Variants in PHACTR1 observed in about 807,000 individuals in gnomAD.
PHACTR1 encodes the protein phosphatase and actin regulator 1.
PHACTR1 carries 16 observed loss-of-function variants against 69.2 expected under a neutral mutation model. That is an observed-to-expected ratio of 0.23 (90% CI 0.16 to 0.35). PHACTR1 has a LOEUF of 0.35. Among genes scored for constraint, PHACTR1 ranks in the 10% least tolerant of loss-of-function variants. The probability of loss-of-function intolerance (pLI) is 1.00; values close to 1 mark genes in which losing one functional copy is unlikely to be tolerated. For missense variants in PHACTR1, 510 were observed against 734.7 expected (o/e 0.69, Z 3.54); for synonymous variants, 312 against 284.5 (o/e 1.10, Z -0.97).
chr6:12,768,546 G>T (rs575295292), intron 4 of PHACTR1, among the ~76,000 whole-genome samples: 5 of 143,160 alleles, frequency 3.5e-5, no homozygotes, highest in African/African-American at 1.2e-4. Context: ...TTGGGTGGGT[G>T]GATTAGTATG....
chr6:13,044,839 A>G (rs13209107), intron 4 of PHACTR1, among the ~76,000 whole-genome samples: 24,976 of 152,172 alleles, frequency 0.16, 2,556 homozygotes, highest in South Asian at 0.26. Flanking sequence ...TTGTAGCTTG[A>G]GCACAGGTCC....
At chr6:12,893,547 T>TG (rs994743525) in intron 4 of PHACTR1, among the ~76,000 whole-genome samples, 17 of 152,086 alleles carry the variant, frequency 1.1e-4, no homozygotes, top group African/African-American at 3.1e-4. Context: ...ACTTGTATTT[T>TG]GGGGGGGTCC....
At position 12,896,598 on chromosome 6, in the gene PHACTR1, G is replaced by T. The variant is rs149611657; in HGVS notation, c.250+146808G>T. On this transcript the variant is annotated intron_variant, in intron 4 of 14. Transcript: ENST00000332995. ...GGGACAGAAAACACCATAGGGCATT[G>T]GATGGGATCCCTGTTCCCCGGGAGA... Among the ~76,000 whole-genome samples the T allele has an allele frequency of 6.6e-5, 10 of 152,294 alleles. No homozygotes were observed. The East Asian group carries it at 1.9e-3, about 29-fold the overall frequency.
At chr6:12,805,435 C>T (rs1774191118) in intron 4 of PHACTR1, among the ~76,000 whole-genome samples, 2 of 152,140 alleles carry the variant, frequency 1.3e-5, no homozygotes, top group Admixed American at 1.3e-4. Flanking sequence ...TCCTCGTCAC[C>T]ACTCAGCAGC....
intron 4 of PHACTR1, among the ~76,000 whole-genome samples, chr6:12,895,943 T>A (rs1486603913): frequency 6.6e-6 from 1 of 152,208 alleles, no homozygotes; most frequent in Non-Finnish European, 1.5e-5. Flanking sequence ...GACCTCATTA[T>A]AGTACTTGTT....
chr6:13,170,787 A>T (rs1325458151), intron 6 of PHACTR1, among the ~76,000 whole-genome samples: 1 of 152,148 alleles, frequency 6.6e-6, no homozygotes, highest in African/African-American at 2.4e-5. Context: ...TTCTGATTGA[A>T]TATAACCCCA....
intron 4 of PHACTR1, among the ~76,000 whole-genome samples, chr6:12,766,955 T>C (rs902589178): frequency 2.0e-5 from 3 of 152,178 alleles, no homozygotes; most frequent in African/African-American, 7.2e-5. Context: ...CTATTGAAAA[T>C]AGGCTTCCAT....
rs970218552 is a variant in PHACTR1 at position 13,245,873 on chromosome 6, C to A, written c.1391+15680C>A. ...GTTTCAATCCCCTGCATATAGCTAG[C>A]CAGTTATCCCAGTTCTTTGGTGAGT... On this transcript the variant is annotated intron_variant, in intron 10 of 14. Transcript: ENST00000332995. The surrounding 1 kb of genome is among the most constrained non-coding windows in gnomAD (Gnocchi z 4.1). 1.3e-5 allele frequency among the ~76,000 whole-genome samples: 2 copies of A among 152,168 alleles called. No individual in the cohort carries two copies. The highest frequency in any genetic ancestry group is 4.8e-5 in the African/African-American group (2 of 41,432).
intron 4 of PHACTR1, among the ~76,000 whole-genome samples, chr6:13,021,709 T>C (rs1801000016): frequency 6.6e-6 from 1 of 152,246 alleles, no homozygotes. Context: ...CTGTTATGGA[T>C]GATAGCCACC....
chr6:12,988,192 G>T (rs1368948671), intron 4 of PHACTR1, among the ~76,000 whole-genome samples: 1 of 152,206 alleles, frequency 6.6e-6, no homozygotes, highest in African/African-American at 2.4e-5. Context: ...GCAGGTAAAA[G>T]ACATAGAGGA....
At chr6:13,027,232 C>G (rs1801822394) in intron 4 of PHACTR1, among the ~76,000 whole-genome samples, 1 of 152,140 alleles carries the variant, frequency 6.6e-6, no homozygotes, top group Admixed American at 6.5e-5. Flanking sequence ...TTCAGAGTCA[C>G]TATTTGTTGG....
At chr6:13,276,143 C>G (rs1778851655) in intron 11 of PHACTR1, 1 of 149,378 alleles carries the variant, frequency 6.7e-6, no homozygotes, top group Non-Finnish European at 1.5e-5. Context: ...AAAAACCTCT[C>G]CGGGAGGGAG....
At chr6:12,772,609 A>G (rs1769530983) in intron 4 of PHACTR1, among the ~76,000 whole-genome samples, 1 of 152,172 alleles carries the variant, frequency 6.6e-6, no homozygotes. Context: ...TACTCAGACC[A>G]TATGGTCCCC....
chr6:12,845,422 A>ACCC lies in PHACTR1; in HGVS notation c.250+95634_250+95635insCCC, dbSNP rs879435671. The stretch of plus-strand genomic sequence containing the variant: ...AGAGTGCCAAGATGTCATTGTGAAC[A>ACCC]CCACCCACCCCCCCCCCCCCCGCCC... On this transcript the variant is annotated intron_variant, in intron 4 of 14. Transcript: ENST00000332995. Among the ~76,000 whole-genome samples the ACCC allele has an allele frequency of 9.5e-3, 121 of 12,792 alleles. 1 individual carries two copies. Among genetic ancestry groups the ACCC allele is most frequent in the East Asian group, 0.029 (2 of 68 alleles). 8.4% of individuals were successfully genotyped at this position (12,792 alleles called of 152,430 possible). A position where few individuals can be genotyped will look rare whatever the true frequency, so the allele number is the denominator to read the frequency against.
intron 8 of PHACTR1, among the ~76,000 whole-genome samples, chr6:13,213,088 T>TTGAGTGAG (rs547670652): frequency 4.6e-5 from 7 of 151,766 alleles, no homozygotes; most frequent in South Asian, 2.1e-4. Flanking sequence ...GCTTATAGGT[T>TTGAGTGAG]TGAGTGAGTG....
At chr6:13,197,283 G>A (rs1299049012) in intron 7 of PHACTR1, among the ~76,000 whole-genome samples, 2 of 152,204 alleles carry the variant, frequency 1.3e-5, no homozygotes, top group Non-Finnish European at 2.9e-5. Context: ...TGTAGAGGAT[G>A]CCCCTTCCTC....
intron 11 of PHACTR1, 94 bp from the exon 12 acceptor site, chr6:13,278,174 G>A: frequency 2.5e-6 from 3 of 1,198,124 alleles, no homozygotes; most frequent in East Asian, 2.6e-5. Context: ...ATTAAAATGA[G>A]ATGCTTGGCC....
At chr6:13,134,055 T>C (rs920960176) in intron 5 of PHACTR1, among the ~76,000 whole-genome samples, 28 of 149,004 alleles carry the variant, frequency 1.9e-4, no homozygotes, top group African/African-American at 6.7e-4. Flanking sequence ...GGAGTGTCTC[T>C]GCCCTGCCGC....
intron 4 of PHACTR1, among the ~76,000 whole-genome samples, chr6:13,009,415 T>C (rs910566240): frequency 1.3e-5 from 2 of 152,192 alleles, no homozygotes; most frequent in African/African-American, 2.4e-5. Context: ...AAAAATCTTT[T>C]CTTACATTAA....
Sources: gnomAD v4.1 joint callset for allele counts (sites outside exome capture counted in the v4.1 genomes callset) on GRCh38, gnomAD v4.1.1 for gene constraint, Gnocchi (gnomAD v3.1) non-coding constraint, MANE v1.5 for transcripts, NCBI Gene and HGNC (gene_info 2026-07-23, HGNC 2026-07-21) for gene names.